The following TTC7B variants were observed in gnomAD, a reference collection of about 807,000 sequenced individuals.
TTC7B encodes tetratricopeptide repeat domain 7B.
In TTC7B, 28 loss-of-function variants were observed where a neutral mutation model predicts 106.8. The ratio of observed to expected loss-of-function variants is 0.26; its 90% confidence interval spans 0.19 to 0.36. TTC7B has a LOEUF of 0.36. Ranked by LOEUF, TTC7B falls within the 10% of genes least tolerant of loss-of-function variation. The pLI, the probability that TTC7B is intolerant of heterozygous loss-of-function variation, is 1.00. For missense variants in TTC7B, 862 were observed against 1,076.4 expected, an observed-to-expected ratio of 0.80 and a Z score of 2.79; for synonymous variants, 405 against 430.6, an observed-to-expected ratio of 0.94 and a Z score of 0.74.
chr14:90,788,793 T>C (rs1891479179), intron 1 of TTC7B, among the ~76,000 whole-genome samples: 1 of 151,930 alleles, frequency 6.6e-6, no homozygotes, highest in African/African-American at 2.4e-5. Context: ...TGAAACTCTG[T>C]CTCTACTAAA....
At position 90,773,961 on chromosome 14, in the gene TTC7B, G is replaced by A. The variant is rs117438558; in HGVS notation, c.445+6777C>T. On this transcript the variant is annotated intron_variant, in intron 3 of 19. Transcript: ENST00000328459. ...TTTCCCTTCTCTTCTTCCCTGCAGG[G>A]GCCACCTCAAAGAAAAAAATAAAGA... is the stretch of plus-strand genomic sequence containing the variant. 4.5e-3 allele frequency among the ~76,000 whole-genome samples: 686 copies of A among 152,140 alleles called. 5 individuals are homozygous for A. The highest frequency in any genetic ancestry group is 7.5e-3 in the Non-Finnish European group (510 of 67,980).
At chr14:90,636,302 C>T (rs1293847258) in intron 15 of TTC7B, among the ~76,000 whole-genome samples, 1 of 151,386 alleles carries the variant, frequency 6.6e-6, no homozygotes, top group African/African-American at 2.4e-5. Context: ...AAGCAAAATG[C>T]CTTGTATCTT....
In TTC7B at chr14:90,816,310, G is replaced by A; in HGVS notation, c.-15C>T. 1 of 1,115,974 alleles carries A rather than the reference G, an allele frequency of 9.0e-7. No individual in the cohort carries two copies. Among genetic ancestry groups the A allele is most frequent in the Non-Finnish European group, 1.1e-6 (1 of 894,486 alleles). 69.1% of individuals were successfully genotyped at this position (1,115,974 alleles called of 1,614,324 possible). A position where few individuals can be genotyped will look rare whatever the true frequency, so the allele number is the denominator to read the frequency against. On this transcript the variant is annotated 5_prime_UTR_variant, in exon 1 of 20. Transcript: ENST00000328459. ...TTGGTCGCCATCGCGGCCTGGCCGG[G>A]CCCGGCCGCCCGCCCCGCAGGCCCC...
intron 7 of TTC7B, 117 bp downstream of exon 7, chr14:90,689,423 G>A (rs1320122004): frequency 2.3e-6 from 2 of 884,216 alleles, no homozygotes; most frequent in Non-Finnish European, 3.4e-6. Context: ...AATGACACTT[G>A]TTCATTTGAT....
intron 13 of TTC7B, chr14:90,649,003 T>G (rs1446823819): frequency 1.3e-5 from 2 of 152,234 alleles, no homozygotes; most frequent in African/African-American, 4.8e-5. Flanking sequence ...CAATGATCTG[T>G]TGAGTTGAGG....
intron 3 of TTC7B, among the ~76,000 whole-genome samples, chr14:90,754,317 C>T (rs1415127238): frequency 3.3e-5 from 5 of 152,166 alleles, no homozygotes; most frequent in South Asian, 2.1e-4. Context: ...TGTCTTTATA[C>T]GTAAAGCAGT....
In TTC7B at chr14:90,527,985, G is replaced by C. The variant is rs949865111; in HGVS notation, c.*13383C>G. 1.3e-5 allele frequency: 2 copies of C among 152,004 alleles called. No individual in the cohort carries two copies. The highest frequency in any genetic ancestry group is 2.9e-5 in the Non-Finnish European group (2 of 67,970). 9.4% of individuals were successfully genotyped at this position (152,004 alleles called of 1,614,324 possible). On this transcript the variant is annotated 3_prime_UTR_variant, in exon 20 of 20. Coordinates refer to ENST00000328459, the MANE Select transcript of TTC7B (RefSeq NM_001010854.2). ...GGTGGATCACTTGGAAGGATGTCTT[G>C]ATCCAGAGTAAAGGCTCCATAGGCA...
chr14:90,621,051 T>G (rs1394354317), intron 15 of TTC7B, among the ~76,000 whole-genome samples: 1 of 152,168 alleles, frequency 6.6e-6, no homozygotes, highest in Non-Finnish European at 1.5e-5. Flanking sequence ...GAGGAAAGCC[T>G]GACAGCTGCT....
chr14:90,635,438 A>G (rs1460793673), intron 15 of TTC7B, among the ~76,000 whole-genome samples: 1 of 152,162 alleles, frequency 6.6e-6, no homozygotes, highest in Non-Finnish European at 1.5e-5. Context: ...AATATTCCAG[A>G]TACCATAAGC....
chr14:90,615,795 T>A (rs1286753103), intron 16 of TTC7B, among the ~76,000 whole-genome samples: 1 of 152,178 alleles, frequency 6.6e-6, no homozygotes, highest in Admixed American at 6.5e-5. Flanking sequence ...CCAGACAGGA[T>A]GCTCCTTAAT....
Position 90,663,874 on chromosome 14 carries a change from C to T in TTC7B, c.1153-5487G>A, listed in dbSNP as rs375676750. On this transcript the variant is annotated intron_variant, in intron 9 of 19. Transcript: ENST00000328459. The surrounding 1 kb of genome is among the most constrained non-coding windows in gnomAD (Gnocchi z 4.5). The stretch of plus-strand genomic sequence containing the variant: ...CATCTTATGAGATACAGTGACGGCA[C>T]GCCGGCTTTGGAAAAGCACCCAGAC... 3.9e-5 allele frequency among the ~76,000 whole-genome samples: 6 copies of T among 152,166 alleles called. No individual in the cohort carries two copies. Among genetic ancestry groups the T allele is most frequent in the African/African-American group, 1.4e-4 (6 of 41,440 alleles).
chr14:90,590,957 A>G (rs897337821), intron 18 of TTC7B, among the ~76,000 whole-genome samples: 23 of 152,244 alleles, frequency 1.5e-4, no homozygotes, highest in African/African-American at 5.1e-4. Flanking sequence ...GTAAAGCCAC[A>G]CCCATTTGCT....
intron 13 of TTC7B, among the ~76,000 whole-genome samples, chr14:90,647,699 C>T (rs947443961): frequency 2.0e-5 from 3 of 152,144 alleles, no homozygotes; most frequent in Non-Finnish European, 4.4e-5. Flanking sequence ...TACTGGCCTC[C>T]TAGCTGATTG....
At position 90,649,374 on chromosome 14, in the gene TTC7B, T is replaced by C. The variant is rs149051062; in HGVS notation, c.1518-2351A>G. Among the ~76,000 whole-genome samples, 905 of 152,332 alleles carry C rather than the reference T, an allele frequency of 5.9e-3. 4 individuals are homozygous for C. The highest frequency in any genetic ancestry group is 0.02 in the African/African-American group (850 of 41,568). ...TAGATGCTAAAATACTTGCTTCCCG[T>C]GGAGCAACTTCAGCAGCTAAGCTTC... On this transcript the variant is annotated intron_variant, in intron 13 of 19. Transcript: ENST00000328459.
At chr14:90,702,106 C>T (rs1240869117) in intron 5 of TTC7B, among the ~76,000 whole-genome samples, 3 of 152,178 alleles carry the variant, frequency 2.0e-5, no homozygotes, top group African/African-American at 7.2e-5. Context: ...GTCATGGTTA[C>T]AGACCCTGGA....
chr14:90,714,369 A>G (rs1888568082), intron 5 of TTC7B, among the ~76,000 whole-genome samples: 1 of 152,214 alleles, frequency 6.6e-6, no homozygotes, highest in African/African-American at 2.4e-5. Context: ...GGGTGGCAGA[A>G]GGAATTGACG....
rs149388931 is a variant in TTC7B at position 90,676,649 on chromosome 14, G to A, written c.1026C>T (p.Asp342=). The stretch of plus-strand genomic sequence containing the variant: ...GTTCAGGTATCCTGCTCAGCACAGC[G>A]TCCCGGTTGGCCTGAAAAAACATGG... The part of the protein sequence containing the change: ...LLISESMANR[D]AVLSRIPEHK... Residue 342 remains aspartate (D), a synonymous_variant, in exon 9 of 20, where the codon GAC becomes GAT. Transcript: ENST00000328459. 3.6e-5 allele frequency: 58 copies of A among 1,613,870 alleles called. No individual in the cohort carries two copies. The highest frequency in any genetic ancestry group is 6.7e-5 in the East Asian group (3 of 44,886).
intron 4 of TTC7B, among the ~76,000 whole-genome samples, chr14:90,740,015 G>T (rs1461772511): frequency 1.3e-5 from 2 of 152,166 alleles, no homozygotes; most frequent in Admixed American, 1.3e-4. Flanking sequence ...AATTTATTTG[G>T]TTAAATTATT....
At chr14:90,796,856 C>CT (rs35291655) in intron 1 of TTC7B, among the ~76,000 whole-genome samples, 14,255 of 145,294 alleles carry the variant, frequency 0.098, 930 homozygotes, top group Non-Finnish European at 0.15. Context: ...TTCTTTTTTT[C>CT]TTTTTTTTTT....
Sources: allele counts gnomAD v4.1 joint callset (sites outside exome capture counted in the v4.1 genomes callset), GRCh38; gene constraint gnomAD v4.1.1; non-coding constraint Gnocchi (gnomAD v3.1); transcripts MANE v1.5; gene names NCBI Gene and HGNC (gene_info 2026-07-23, HGNC 2026-07-21).